Variants in FANK1 observed in about 807,000 individuals in gnomAD.
FANK1 encodes the protein fibronectin type III and ankyrin repeat domains 1.
A neutral mutation model predicts 45.3 loss-of-function variants in FANK1; 44 were observed. The ratio of observed to expected loss-of-function variants is 0.97; its 90% CI spans 0.76 to 1.25. The LOEUF (loss-of-function observed/expected upper bound fraction) is 1.25. Among genes scored for constraint, FANK1 ranks in the 50% most tolerant of loss-of-function variants. FANK1 has a pLI of 0.00. For synonymous variants in FANK1, 149 were observed against 152.5 expected, an observed-to-expected ratio of 0.98 and a Z score of 0.17; for missense variants, 391 against 424.4, an observed-to-expected ratio of 0.92 and a Z score of 0.69.
intron 1 of FANK1, chr10:125,973,262 A>G (rs886991431): frequency 5.9e-6 from 1 of 169,922 alleles, no homozygotes; most frequent in African/African-American, 2.4e-5. Context: ...GCCTGTTCTG[A>G]TCTCTAGTAG....
chr10:125,973,286 A>G (rs996945826), intron 1 of FANK1: 1 of 213,558 alleles, frequency 4.7e-6, no homozygotes, highest in Non-Finnish European at 8.1e-6. Flanking sequence ...TCTAGGCTGG[A>G]TGTCTTTGGA....
chr10:125,994,745 G>A, intron 3 of FANK1: 1 of 985,382 alleles, frequency 1.0e-6, no homozygotes, highest in South Asian at 4.7e-5. Context: ...CTGCCCGCCT[G>A]CCTGTTGGCT....
chr10:125,929,019 G>A (rs1312935325), intron 1 of FANK1, among the ~76,000 whole-genome samples: 1 of 152,198 alleles, frequency 6.6e-6, no homozygotes, highest in African/African-American at 2.4e-5. Context: ...CTGAAGGTTC[G>A]ATAATTTGAG....
chr10:125,916,992 A>G (rs1946497686), intron 1 of FANK1, among the ~76,000 whole-genome samples: 1 of 152,216 alleles, frequency 6.6e-6, no homozygotes, highest in Admixed American at 6.5e-5. Flanking sequence ...TACTACGCTT[A>G]GCTCCTACCC....
At chr10:125,923,430 C>G (rs1407509082) in intron 1 of FANK1, among the ~76,000 whole-genome samples, 4 of 151,692 alleles carry the variant, frequency 2.6e-5, no homozygotes, top group Non-Finnish European at 5.9e-5. Context: ...CACTGCACTC[C>G]AGCCTGGGCG....
At chr10:125,988,878 A>G in intron 3 of FANK1, 1 of 792,372 alleles carries the variant, frequency 1.3e-6, no homozygotes, top group Non-Finnish European at 2.0e-6. Context: ...ACAAACTGGG[A>G]GAGCTATTTT....
Position 125,996,564 on chromosome 10 carries a change from A to G in FANK1, c.413A>G (p.Asp138Gly). 2 of 1,614,156 alleles carry G rather than the reference A, an allele frequency of 1.2e-6. No individual in the cohort carries two copies. The highest frequency in any genetic ancestry group is 1.7e-6 in the Non-Finnish European group (2 of 1,180,024). Residue 138 changes from aspartate (D) to glycine (G), a missense_variant, in exon 5 of 11, where the codon GAT becomes GGT. Transcript: ENST00000368693. ...CTTTTCCCAAGCCGTGTTAAGGTTG[A>G]TGTTCCCAATAAGTTTGGCTTTACC... ...RILQGGRVKV[D>G]VPNKFGFTAL... is the part of the protein sequence containing the mutation.
intron 2 of FANK1, among the ~76,000 whole-genome samples, chr10:125,982,295 C>T (rs561895755): frequency 1.1e-3 from 173 of 152,362 alleles, no homozygotes; most frequent in Non-Finnish European, 2.0e-3. Flanking sequence ...GAAACCATAG[C>T]TGCGTGTGCT....
intron 6 of FANK1, among the ~76,000 whole-genome samples, chr10:126,003,370 G>A (rs1031548860): frequency 5.3e-5 from 8 of 151,870 alleles, no homozygotes; most frequent in Non-Finnish European, 7.4e-5. Context: ...TGAAATCAGC[G>A]TGGGCAATAA....
chr10:125,963,915 T>C (rs1419041635), intron 1 of FANK1, among the ~76,000 whole-genome samples: 1 of 152,072 alleles, frequency 6.6e-6, no homozygotes, highest in Non-Finnish European at 1.5e-5. Context: ...CATTTTAAGA[T>C]AATTTTGCAG....
Position 126,009,525 on chromosome 10 carries a change from G to A in FANK1, c.*87G>A, listed in dbSNP as rs1273292527. The A allele has an allele frequency of 7.2e-6, 10 of 1,385,868 alleles. No homozygotes were observed. The highest frequency in any genetic ancestry group is 5.8e-5 in the African/African-American group (4 of 69,014). 85.8% of individuals were successfully genotyped at this position (1,385,868 alleles called of 1,614,324 possible). ...GGGATGGGAAATTCTGCATCTTGGG[G>A]GGCTGTACATTTATTTATTTAGTTG... On this transcript the variant is annotated 3_prime_UTR_variant, in exon 11 of 11. Coordinates refer to ENST00000368693, the MANE Select transcript of FANK1 (RefSeq NM_145235.5).
chr10:125,901,846 C>T lies in FANK1; in HGVS notation c.13+5191C>T, dbSNP rs1257934725. On this transcript the variant is annotated intron_variant, in intron 1 of 10. Coordinates refer to ENST00000368693, the MANE Select transcript of FANK1 (RefSeq NM_145235.5). ...TGTTAATATTTAAAATCTAGCTGGA[C>T]GTGGTGGCTCACGCCTGTAATCCCA... Among the ~76,000 whole-genome samples the T allele has an allele frequency of 9.2e-5, 14 of 152,344 alleles. No individual in the cohort carries two copies. The East Asian group carries it at 2.3e-3, about 25-fold the overall frequency.
At chr10:125,921,145 C>T (rs878962708) in intron 1 of FANK1, among the ~76,000 whole-genome samples, 1 of 151,766 alleles carries the variant, frequency 6.6e-6, no homozygotes, top group African/African-American at 2.4e-5. Context: ...CTTATCTGCC[C>T]ATGTATTATG....
intron 1 of FANK1, among the ~76,000 whole-genome samples, chr10:125,979,218 T>G (rs1159178382): frequency 2.0e-5 from 3 of 152,162 alleles, no homozygotes; most frequent in African/African-American, 7.2e-5. Flanking sequence ...TCAGGTTGTT[T>G]CCTTGATTAG....
chr10:125,940,001 G>T (rs1481573638), intron 1 of FANK1, among the ~76,000 whole-genome samples: 1 of 151,616 alleles, frequency 6.6e-6, no homozygotes. Flanking sequence ...CATGATCTCG[G>T]CTCACTGCAA....
intron 1 of FANK1, among the ~76,000 whole-genome samples, chr10:125,963,557 G>A (rs1014075934): frequency 5.3e-5 from 8 of 152,206 alleles, no homozygotes; most frequent in African/African-American, 1.4e-4. Context: ...GGAATACTAT[G>A]CAGCCATAAG....
At chr10:125,962,351 T>A (rs113596370) in intron 1 of FANK1, among the ~76,000 whole-genome samples, 2,703 of 152,248 alleles carry the variant, frequency 0.018, 83 homozygotes, top group African/African-American at 0.061. Context: ...GTTGTTGGAT[T>A]TGTGGGTTTA....
chr10:125,975,444 C>T (rs1305734011), intron 1 of FANK1, among the ~76,000 whole-genome samples: 1 of 152,184 alleles, frequency 6.6e-6, no homozygotes, highest in African/African-American at 2.4e-5. Context: ...AATCGTTGAA[C>T]AAATTTATCC....
At position 125,918,585 on chromosome 10, in the gene FANK1, A is replaced by AATAT. The variant is rs1197525883; in HGVS notation, c.13+21950_13+21953dup. Among the ~76,000 whole-genome samples the AATAT allele has an allele frequency of 7.0e-3, 496 of 70,892 alleles. 15 individuals carry two copies. The highest frequency in any genetic ancestry group is 0.025 in the African/African-American group (314 of 12,576). 46.5% of individuals were successfully genotyped at this position (70,892 alleles called of 152,430 possible). ...AAAAAAAAAAAAAAAAAAAAAAAAA[A>AATAT]ATATATATATATATATATATATAGT... On this transcript the variant is annotated intron_variant, in intron 1 of 10. Transcript: ENST00000368693.
Sources: gnomAD v4.1 joint callset for allele counts (sites outside exome capture counted in the v4.1 genomes callset) on GRCh38, gnomAD v4.1.1 for gene constraint, MANE v1.5 for transcripts, NCBI Gene and HGNC (gene_info 2026-07-23, HGNC 2026-07-21) for gene names.